The following GLE1 variants were observed in gnomAD, a reference collection of about 807,000 sequenced individuals.
The protein encoded by GLE1 is GLE1 RNA export mediator.
A neutral mutation model predicts 97.3 loss-of-function variants in GLE1; 78 were observed. The ratio of observed to expected loss-of-function variants is 0.80; its 90% CI spans 0.67 to 0.97. GLE1 has a LOEUF of 0.97. Ranked by LOEUF, GLE1 falls within the 50% of genes least tolerant of loss-of-function variation. The pLI, the probability that GLE1 is intolerant of heterozygous loss-of-function variation, is 0.00. For missense variants in GLE1, 753 were observed against 857.5 expected, an observed-to-expected ratio of 0.88 and a Z score of 1.52; for synonymous variants, 302 against 313.4, an observed-to-expected ratio of 0.96 and a Z score of 0.39.
At chr9:128,534,388 T>C (rs1413223376) in intron 11 of GLE1, among the ~76,000 whole-genome samples, 2 of 139,110 alleles carry the variant, frequency 1.4e-5, no homozygotes, top group African/African-American at 5.0e-5. Context: ...AGAAAAAATA[T>C]ATATACATAG....
chr9:128,511,348 ATATT>A (rs1289560279), intron 2 of GLE1, among the ~76,000 whole-genome samples: 7 of 150,860 alleles, frequency 4.6e-5, no homozygotes, highest in Admixed American at 2.0e-4. Context: ...TTTAAAATAT[ATATT>A]TTTAGCAACT....
chr9:128,507,944 C>T (rs1846688797), intron 1 of GLE1, among the ~76,000 whole-genome samples: 2 of 151,892 alleles, frequency 1.3e-5, no homozygotes, highest in Non-Finnish European at 2.9e-5. Context: ...CTTTGGGAGG[C>T]TGAGGCGGGT....
At chr9:128,530,634 GCGCGGTGGTTCA>G (rs1189596483) in intron 9 of GLE1, among the ~76,000 whole-genome samples, 2 of 152,132 alleles carry the variant, frequency 1.3e-5, no homozygotes, top group African/African-American at 2.4e-5. Flanking sequence ...GGTGGGCCGG[GCGCGGTGGTTCA>G]CGCCTGTAAT....
At chr9:128,532,944 T>A (rs1216764794) in intron 9 of GLE1, among the ~76,000 whole-genome samples, 1 of 152,148 alleles carries the variant, frequency 6.6e-6, no homozygotes, top group Non-Finnish European at 1.5e-5. Context: ...TTTAGAAGGT[T>A]TTTCCTAGAG....
At chr9:128,530,285 G>A (rs1279129063) in intron 9 of GLE1, among the ~76,000 whole-genome samples, 2 of 152,254 alleles carry the variant, frequency 1.3e-5, no homozygotes, top group Admixed American at 6.5e-5. Flanking sequence ...AGTTTAATGT[G>A]TTCAAATCCA....
At chr9:128,508,598 C>CT (rs954061882) in intron 1 of GLE1, among the ~76,000 whole-genome samples, 2 of 152,134 alleles carry the variant, frequency 1.3e-5, no homozygotes, top group Non-Finnish European at 2.9e-5. Context: ...CTGTTCAGTG[C>CT]TTTAGATTGC....
At chr9:128,509,301 C>T (rs748942764) in intron 2 of GLE1, among the ~76,000 whole-genome samples, 16 of 151,054 alleles carry the variant, frequency 1.1e-4, no homozygotes, top group Non-Finnish European at 1.9e-4. Flanking sequence ...TTCTTAGTAC[C>T]GAGAATAGTA....
At chr9:128,509,335 A>ATTT in intron 2 of GLE1, among the ~76,000 whole-genome samples, 1 of 143,478 alleles carries the variant, frequency 7.0e-6, no homozygotes, top group East Asian at 2.0e-4. Flanking sequence ...GAGCAATTGG[A>ATTT]TTTTTTTTTT....
In GLE1 at chr9:128,541,318, G is replaced by A. The variant is rs536411367; in HGVS notation, c.*148G>A. 1 of 653,054 alleles carries A rather than the reference G, an allele frequency of 1.5e-6. No individual in the cohort carries two copies. Among genetic ancestry groups the A allele is most frequent in the East Asian group, 2.7e-5 (1 of 37,146 alleles). 40.5% of individuals were successfully genotyped at this position (653,054 alleles called of 1,614,324 possible). On this transcript the variant is annotated 3_prime_UTR_variant, in exon 16 of 16. Coordinates refer to ENST00000309971, the MANE Select transcript of GLE1 (RefSeq NM_001003722.2). ...TTTATGCCTTGTGACTAGGAGAGGA[G>A]ATTTTCATGGGTCACAAAATTCTTG...
intron 15 of GLE1, 119 bp downstream of exon 15, chr9:128,540,457 C>T: frequency 2.7e-6 from 2 of 739,754 alleles, no homozygotes; most frequent in East Asian, 2.6e-5. Context: ...TTCTTCCAAA[C>T]CCTTCTTTTT....
chr9:128,508,793 T>G (rs927485122), intron 1 of GLE1, 83 bp from the exon 2 acceptor site: 2 of 830,932 alleles, frequency 2.4e-6, no homozygotes, highest in African/African-American at 3.3e-5. Context: ...TTAGGCCTTC[T>G]TAGATGTTCA....
Position 128,504,791 on chromosome 9 carries a change from G to T in GLE1, c.-15G>T, listed in dbSNP as rs374576534. 1 of 1,557,416 alleles carries T rather than the reference G, an allele frequency of 6.4e-7. No homozygotes were observed. Among genetic ancestry groups the T allele is most frequent in the Non-Finnish European group, 8.9e-7 (1 of 1,128,654 alleles). On this transcript the variant is annotated 5_prime_UTR_variant, in exon 1 of 16. Transcript: ENST00000309971. ...TCAGAAGGGGGGCGTCAGAGAAGCT[G>T]CCCCTTAGCCAACCATGCCGTCTGA...
chr9:128,512,314 A>G (rs368599201), intron 2 of GLE1, among the ~76,000 whole-genome samples: 3 of 152,172 alleles, frequency 2.0e-5, no homozygotes, highest in Non-Finnish European at 4.4e-5. Context: ...ACATAGAACT[A>G]TACATAAGCA....
At chr9:128,540,154 C>T (rs573754103) in intron 14 of GLE1, 121 bp from the exon 15 acceptor site, 3 of 754,626 alleles carry the variant, frequency 4.0e-6, no homozygotes, top group Non-Finnish European at 7.2e-6. Flanking sequence ...AGTTCAAGGC[C>T]TCGGTGAGCT....
chr9:128,505,217 A>C (rs1329083040), intron 1 of GLE1, among the ~76,000 whole-genome samples: 1 of 152,062 alleles, frequency 6.6e-6, no homozygotes, highest in Non-Finnish European at 1.5e-5. Context: ...CAGTTAACTT[A>C]CTGTATGTCT....
At chr9:128,514,045 GA>G (rs941612113) in intron 2 of GLE1, among the ~76,000 whole-genome samples, 8 of 145,754 alleles carry the variant, frequency 5.5e-5, no homozygotes, top group Admixed American at 2.7e-4. Context: ...AAAAGAAAAA[GA>G]AAAAAAATAG....
chr9:128,534,043 T>G, intron 11 of GLE1, 92 bp downstream of exon 11: 1 of 849,548 alleles, frequency 1.2e-6, no homozygotes, highest in Non-Finnish European at 2.0e-6. Context: ...TCACAGCTCC[T>G]ATTACGTACC....
chr9:128,525,657 CTGAG>C (rs1357386165), intron 7 of GLE1, among the ~76,000 whole-genome samples: 24 of 152,248 alleles, frequency 1.6e-4, no homozygotes, highest in Non-Finnish European at 2.2e-4. Context: ...ATTGCTGCTG[CTGAG>C]TATTTTAAAT....
intron 1 of GLE1, among the ~76,000 whole-genome samples, chr9:128,507,585 CAAAAA>C (rs373872187): frequency 2.7e-5 from 2 of 75,150 alleles, no homozygotes; most frequent in Non-Finnish European, 2.7e-5. Flanking sequence ...GCCTGTCTCT[CAAAAA>C]AAAAAAAAAA....
Sources: allele counts gnomAD v4.1 joint callset (sites outside exome capture counted in the v4.1 genomes callset), GRCh38; gene constraint gnomAD v4.1.1; transcripts MANE v1.5; gene names NCBI Gene and HGNC (gene_info 2026-07-23, HGNC 2026-07-21).